The following CLP1 variants were observed in gnomAD, a reference collection of about 807,000 sequenced individuals.
The protein encoded by CLP1 is cleavage factor polyribonucleotide kinase subunit 1.
A neutral mutation model predicts 29.9 loss-of-function variants in CLP1; 18 were observed. The observed-to-expected ratio is 0.60, with a 90% CI of 0.42 to 0.89. CLP1 has a LOEUF of 0.89. Ranked by LOEUF, CLP1 falls within the 40% of genes least tolerant of loss-of-function variation. The pLI is 0.00. For synonymous variants in CLP1, 162 were observed against 206.2 expected, an observed-to-expected ratio of 0.79 and a Z score of 1.84; for missense variants, 357 against 544.8, an observed-to-expected ratio of 0.66 and a Z score of 3.43.
In CLP1 at chr11:57,661,047, AGGGAT is replaced by A. The variant is rs762862019; in HGVS notation, c.891_895del (p.Asp298AlafsTer4). On this transcript the variant is annotated frameshift_variant, in exon 3 of 3. Coordinates refer to ENST00000533682, the MANE Select transcript of CLP1 (RefSeq NM_006831.3). LOFTEE classifies it high-confidence loss of function. ...CTCCAAGGACTTCCGGCGGGAATGT[AGGGAT>A]GAGCGTATCCGTGAGTATTTTTATG... is the stretch of plus-strand genomic sequence containing the variant. 6.2e-7 allele frequency: 1 copy of A among 1,614,258 alleles called. No individual in the cohort carries two copies. The highest frequency in any genetic ancestry group is 2.2e-5 in the East Asian group (1 of 44,888).
chr11:57,660,820 C>G lies in CLP1; in HGVS notation c.662C>G (p.Ala221Gly). ...FNQRCEVNRRASVSGCVINTC... is the reference protein window; with the variant it reads ...FNQRCEVNRRGSVSGCVINTC... ...CAAAGGTGTGAGGTGAACCGAAGGG[C>G]ATCTGTGAGTGGCTGTGTCATTAAC... is the stretch of plus-strand genomic sequence containing the variant. The change falls in exon 3 of 3, where the codon GCA (alanine) becomes GGA (glycine). Residue 221 changes from alanine to glycine, a missense_variant. Ala to Gly is a moderately conservative substitution (Grantham distance 60). Coordinates refer to ENST00000533682, the MANE Select transcript of CLP1 (RefSeq NM_006831.3). The G allele has an allele frequency of 6.2e-7, 1 of 1,612,676 alleles. No individual in the cohort carries two copies. Among genetic ancestry groups the G allele is most frequent in the Non-Finnish European group, 8.5e-7 (1 of 1,178,870 alleles).
Position 57,661,268 on chromosome 11 carries a change from T to A in CLP1, c.1110T>A (p.Thr370=), listed in dbSNP as rs1313030630. 2 of 1,614,236 alleles carry A rather than the reference T, an allele frequency of 1.2e-6. No individual in the cohort carries two copies. Among genetic ancestry groups the A allele is most frequent in the Admixed American group, 3.3e-5 (2 of 60,026 alleles). The change falls in exon 3 of 3, where the codon ACT becomes ACA. Residue 370 remains threonine, a synonymous_variant. Coordinates refer to ENST00000533682, the MANE Select transcript of CLP1 (RefSeq NM_006831.3). ...DMVHHLLSVS[T]AEGTEENLSE... ...TGCACCACCTACTGAGTGTTAGCAC[T>A]GCCGAGGGTACAGAGGAGAACCTGT...
At position 57,659,561 on chromosome 11, in the gene CLP1, G is replaced by A; in HGVS notation, c.85G>A (p.Ala29Thr). ...RETELRFEVE[A>T]SQSVQLELLT... Reference sequence around the variant, plus strand: ...AACAGAACTTCGCTTTGAGGTGGAGGCATCTCAGTCAGTTCAGTTGGAGTT... The same window carrying A: ...AACAGAACTTCGCTTTGAGGTGGAGACATCTCAGTCAGTTCAGTTGGAGTT... Residue 29 changes from alanine to threonine, a missense_variant, in exon 2 of 3, where the codon GCA (alanine) becomes ACA (threonine). Coordinates refer to ENST00000533682, the MANE Select transcript of CLP1 (RefSeq NM_006831.3). 1 of 1,614,126 alleles carries A rather than the reference G, an allele frequency of 6.2e-7. No individual in the cohort carries two copies. Among genetic ancestry groups the A allele is most frequent in the South Asian group, 1.1e-5 (1 of 91,084 alleles).
rs1565185251 is a variant in CLP1, at chr11:57,661,711, G to C, written c.*275G>C. 1 of 394,218 alleles carries C rather than the reference G, an allele frequency of 2.5e-6. No individual in the cohort carries two copies. The highest frequency in any genetic ancestry group is 4.1e-5 in the Admixed American group (1 of 24,368). The allele number at this position is 394,218 out of a possible 1,614,324, so 24.4% of individuals were successfully genotyped here. On this transcript the variant is annotated 3_prime_UTR_variant, in exon 3 of 3. Coordinates refer to ENST00000533682, the MANE Select transcript of CLP1 (RefSeq NM_006831.3). ...CCTGGAGAATTGCATTTCTTTCACT[G>C]TGCTACTATGTGGTTTTTAAAAAAT...
intron 2 of CLP1, 74 bp downstream of exon 2, chr11:57,660,156 A>G: frequency 1.4e-6 from 2 of 1,433,880 alleles, no homozygotes; most frequent in Non-Finnish European, 1.9e-6. Flanking sequence ...TTTACTAGTT[A>G]ACACTGCATT....
At position 57,660,005 on chromosome 11, in the gene CLP1, G is replaced by C. The variant is rs751598423; in HGVS notation, c.529G>C (p.Gly177Arg). The C allele has an allele frequency of 1.2e-6, 2 of 1,613,216 alleles. No individual in the cohort carries two copies. The highest frequency in any genetic ancestry group is 2.2e-5 in the South Asian group (2 of 90,866). ...YIERPADVEE[G>R]FSIQAPLVYH... The stretch of plus-strand genomic sequence containing the variant: ...CGAGCGGCCTGCAGATGTCGAAGAG[G>C]GTTTCTCTATCCAGGCCCCTCTGGT... The change falls in exon 2 of 3, where the codon GGT becomes CGT. Residue 177 changes from glycine to arginine, a missense_variant. By Grantham distance (125) the Gly-to-Arg change is moderately radical (BLOSUM62 -2). Transcript: ENST00000533682.
rs951442414 is a variant in CLP1, at chr11:57,660,968, C to A, written c.810C>A (p.Leu270=). The change falls in exon 3 of 3, where the codon CTC becomes CTA. Residue 270 remains leucine (L), a synonymous_variant. Coordinates refer to ENST00000533682, the MANE Select transcript of CLP1 (RefSeq NM_006831.3). ...ERLYNELKRD[L]PHFVRTVLLP... is the part of the protein sequence containing the mutation. The stretch of plus-strand genomic sequence containing the variant: ...TGTACAATGAACTGAAACGGGACCT[C>A]CCCCACTTTGTACGCACTGTGCTGC... 28 of 1,614,044 alleles carry A rather than the reference C, an allele frequency of 1.7e-5. No homozygotes were observed. The highest frequency in any genetic ancestry group is 2.2e-5 in the Non-Finnish European group (26 of 1,180,038).
At position 57,657,875 on chromosome 11, in the gene CLP1, G is replaced by A. The variant is rs2135358750; in HGVS notation, c.-23+15G>A. On this transcript the variant is annotated intron_variant, in intron 1 of 2. Transcript: ENST00000533682. ...TGGCTGCGCAGGTGAGTTAAAAAAA[G>A]GGCAGGAACACAACTGTCACCTCCT... 1 of 152,456 alleles carries A rather than the reference G, an allele frequency of 6.6e-6. No homozygotes were observed. Among genetic ancestry groups the A allele is most frequent in the African/African-American group, 2.4e-5 (1 of 41,590 alleles). 9.4% of individuals were successfully genotyped at this position (152,456 alleles called of 1,614,324 possible).
Position 57,661,015 on chromosome 11 carries a change from T to G in CLP1, c.857T>G (p.Val286Gly). Residue 286 changes from valine to glycine, a missense_variant, in exon 3 of 3, where the codon GTG becomes GGG. Physicochemically the swap from Val to Gly is moderately radical, Grantham distance 109. Coordinates refer to ENST00000533682, the MANE Select transcript of CLP1 (RefSeq NM_006831.3). ...CTGCTCCCTAAATCTGGGGGTGTGG[T>G]GGAGCGCTCCAAGGACTTCCGGCGG... ...TVLLPKSGGV[V>G]ERSKDFRREC... 1 of 1,614,248 alleles carries G rather than the reference T, an allele frequency of 6.2e-7. No homozygotes were observed. Among genetic ancestry groups the G allele is most frequent in the Non-Finnish European group, 8.5e-7 (1 of 1,180,044 alleles).
At position 57,661,516 on chromosome 11, in the gene CLP1, C is replaced by T; in HGVS notation, c.*80C>T. ...GAGGCAGATGGGCTGAGATAAAAGACTGTTGGGGCCACCTGACCAGTAAAC... is the reference window on the plus strand; with the variant it reads ...GAGGCAGATGGGCTGAGATAAAAGATTGTTGGGGCCACCTGACCAGTAAAC... On this transcript the variant is annotated 3_prime_UTR_variant, in exon 3 of 3. Transcript: ENST00000533682. 8.4e-7 allele frequency: 1 copy of T among 1,188,048 alleles called. No individual in the cohort carries two copies. The allele number at this position is 1,188,048 out of a possible 1,614,324, so 73.6% of individuals were successfully genotyped here.
rs945242557 is a variant in CLP1, at chr11:57,661,232, G to T, written c.1074G>T (p.Gly358=). 2 of 1,614,198 alleles carry T rather than the reference G, an allele frequency of 1.2e-6. No individual in the cohort carries two copies. The highest frequency in any genetic ancestry group is 2.7e-5 in the African/African-American group (2 of 75,044). The change falls in exon 3 of 3, where the codon GGG becomes GGT. Residue 358 remains glycine, a synonymous_variant. Transcript: ENST00000533682. ...TCAAGCTAGTACCTGTCACTCCTGG[G>T]CGAGATATGGTGCACCACCTACTGA... ...NQLKLVPVTP[G]RDMVHHLLSV... is the part of the protein sequence containing the mutation.
chr11:57,660,108 G>A (rs1005391306), intron 2 of CLP1, 26 bp downstream of exon 2: 2 of 1,529,650 alleles, frequency 1.3e-6, no homozygotes, highest in Non-Finnish European at 8.8e-7. Flanking sequence ...AGGTGGGGTG[G>A]AGGGAAGGGC....
intron 1 of CLP1, among the ~76,000 whole-genome samples, chr11:57,658,605 A>ATTAT (rs1182862715): frequency 2.6e-5 from 4 of 151,984 alleles, no homozygotes; most frequent in Admixed American, 6.6e-5. Context: ...GTATGTTTTT[A>ATTAT]TTATTTATTT....
At chr11:57,659,410 G>A (rs1425752863) in intron 1 of CLP1, 45 bp from the exon 2 acceptor site, 1 of 1,578,712 alleles carries the variant, frequency 6.3e-7, no homozygotes, top group South Asian at 1.1e-5. Flanking sequence ...TTTTGTAACA[G>A]AAGACTGACT....
chr11:57,659,097 T>C (rs1945848318), intron 1 of CLP1, among the ~76,000 whole-genome samples: 1 of 150,076 alleles, frequency 6.7e-6, no homozygotes, highest in Non-Finnish European at 1.5e-5. Context: ...TTTTTTTTTT[T>C]TTTTGAGATG....
At chr11:57,660,129 G>T (rs1374740403) in intron 2 of CLP1, 47 bp downstream of exon 2, 1 of 1,508,970 alleles carries the variant, frequency 6.6e-7, no homozygotes, top group Non-Finnish European at 8.8e-7. Flanking sequence ...TGCTATCAGG[G>T]TAGGAAACTG....
rs149223879 is a variant in CLP1, at chr11:57,659,962, C to G, written c.486C>G (p.Thr162=). The G allele has an allele frequency of 6.2e-6, 10 of 1,613,848 alleles. No homozygotes were observed. In the Admixed American group the frequency reaches 1.7e-4, roughly 27 times the overall value. ...AGGGTTCTGTGTCCATCCCTGGTAC[C>G]ATGGGGGCCCTCTACATCGAGCGGC... is the stretch of plus-strand genomic sequence containing the variant. ...VGQGSVSIPG[T]MGALYIERPA... The change falls in exon 2 of 3, where the codon ACC becomes ACG. Residue 162 remains threonine, a synonymous_variant. Coordinates refer to ENST00000533682, the MANE Select transcript of CLP1 (RefSeq NM_006831.3).
Position 57,661,502 on chromosome 11 carries a change from G to A in CLP1, c.*66G>A, listed in dbSNP as rs1016848899. On this transcript the variant is annotated 3_prime_UTR_variant, in exon 3 of 3. Transcript: ENST00000533682. ...TCTGGCCACCCCTAGAGGCAGATGG[G>A]CTGAGATAAAAGACTGTTGGGGCCA... 1.0e-4 allele frequency: 139 copies of A among 1,388,832 alleles called. 1 individual carries two copies. The African/African-American group carries it at 1.7e-3, about 17-fold the overall frequency. The allele number at this position is 1,388,832 out of a possible 1,614,324, so 86.0% of individuals were successfully genotyped here.
At position 57,659,774 on chromosome 11, in the gene CLP1, T is replaced by G; in HGVS notation, c.298T>G (p.Leu100Val). The G allele has an allele frequency of 1.9e-6, 3 of 1,614,112 alleles. No homozygotes were observed. Among genetic ancestry groups the G allele is most frequent in the Non-Finnish European group, 2.5e-6 (3 of 1,180,020 alleles). ...MLLYLNTHTA[L>V]EQMRRQAEKE... ...GCTTTACCTCAACACTCACACAGCC[T>G]TGGAACAGATGCGGAGGCAAGCGGA... The change falls in exon 2 of 3, where the codon TTG (leucine) becomes GTG (valine). Residue 100 changes from leucine to valine, a missense_variant. By Grantham distance (32) the Leu-to-Val change is conservative (BLOSUM62 1). Transcript: ENST00000533682.
Sources: allele counts gnomAD v4.1 joint callset (sites outside exome capture counted in the v4.1 genomes callset), GRCh38; gene constraint gnomAD v4.1.1; transcripts MANE v1.5; gene names NCBI Gene and HGNC (gene_info 2026-07-23, HGNC 2026-07-21).